Variants in DLG2 observed in about 807,000 individuals in gnomAD.
DLG2 encodes the protein disks large homolog 2.
DLG2 carries 45 observed loss-of-function variants against 132.5 expected under a neutral mutation model. The ratio of observed to expected loss-of-function variants is 0.34; its 90% CI spans 0.27 to 0.44. DLG2 has a LOEUF of 0.44. Ranked by LOEUF, DLG2 falls within the 20% of genes least tolerant of loss-of-function variation. DLG2 has a pLI of 1.00. For missense variants in DLG2, 1,045 were observed against 1,196.9 expected, an observed-to-expected ratio of 0.87 and a Z score of 1.87; for synonymous variants, 424 against 419.6, an observed-to-expected ratio of 1.01 and a Z score of -0.13.
chr11:83,678,059 C>G (rs1022210329), intron 18 of DLG2, among the ~76,000 whole-genome samples: 3 of 152,176 alleles, frequency 2.0e-5, no homozygotes, highest in African/African-American at 2.4e-5. Flanking sequence ...TCTCTCCAAG[C>G]AACTGTTTTC....
chr11:84,480,647 CTCT>C (rs1313190201), intron 7 of DLG2, among the ~76,000 whole-genome samples: 5 of 151,896 alleles, frequency 3.3e-5, no homozygotes, highest in Non-Finnish European at 7.4e-5. Context: ...CAAAATCCAG[CTCT>C]TCTTCTTACT....
intron 22 of DLG2, among the ~76,000 whole-genome samples, chr11:83,473,725 A>C (rs1344362751): frequency 6.6e-6 from 1 of 152,066 alleles, no homozygotes; most frequent in Non-Finnish European, 1.5e-5. Context: ...TCTGAAACCA[A>C]AGGGCAATTC....
intron 7 of DLG2, among the ~76,000 whole-genome samples, chr11:84,526,589 C>T (rs924345649): frequency 6.6e-6 from 1 of 152,012 alleles, no homozygotes; most frequent in Non-Finnish European, 1.5e-5. Flanking sequence ...AGAGAGAGAG[C>T]ACATTCACAT....
At chr11:83,608,491 A>G (rs1250411323) in intron 19 of DLG2, among the ~76,000 whole-genome samples, 1 of 152,094 alleles carries the variant, frequency 6.6e-6, no homozygotes, top group Non-Finnish European at 1.5e-5. Flanking sequence ...TTGGATTTTC[A>G]GATTTGGGAT....
chr11:85,319,318 G>C (rs1249254417), intron 3 of DLG2, among the ~76,000 whole-genome samples: 4 of 151,728 alleles, frequency 2.6e-5, no homozygotes, highest in Admixed American at 6.6e-5. Context: ...TCATCTAAAA[G>C]TGTAAATATT....
chr11:84,610,751 A>C (rs973184057), intron 6 of DLG2, among the ~76,000 whole-genome samples: 13 of 151,926 alleles, frequency 8.6e-5, no homozygotes, highest in Non-Finnish European at 1.5e-4. Flanking sequence ...AGGTGACCCA[A>C]CCCAAGGGTA....
At position 84,714,593 on chromosome 11, in the gene DLG2, C is replaced by T. The variant is rs200673637; in HGVS notation, c.358-179862G>A. ...TCTTTCTCTTTCTCTTTCTCTTTCT[C>T]TTTCTTTCTCTTTCTCTTTCTCTTT... On this transcript the variant is annotated intron_variant, in intron 6 of 27. Coordinates refer to ENST00000376104, the MANE Select transcript of DLG2 (RefSeq NM_001142699.3). 3.5e-4 allele frequency among the ~76,000 whole-genome samples: 38 copies of T among 110,054 alleles called. No homozygotes were observed. The East Asian group carries it at 3.6e-3, about 11-fold the overall frequency. 72.2% of individuals were successfully genotyped at this position (110,054 alleles called of 152,430 possible).
At chr11:84,832,212 CA>C (rs1223523615) in intron 6 of DLG2, among the ~76,000 whole-genome samples, 5 of 151,520 alleles carry the variant, frequency 3.3e-5, no homozygotes, top group Non-Finnish European at 5.9e-5. Context: ...AGGAAGAAAT[CA>C]AATGAAATAA....
chr11:84,345,311 T>C (rs1005529840), intron 7 of DLG2, among the ~76,000 whole-genome samples: 3 of 152,184 alleles, frequency 2.0e-5, no homozygotes, highest in South Asian at 2.1e-4. Context: ...AATGTGAAAG[T>C]AACATTTTGG....
At chr11:83,892,406 C>T (rs1352898897) in intron 15 of DLG2, among the ~76,000 whole-genome samples, 2 of 152,096 alleles carry the variant, frequency 1.3e-5, no homozygotes, top group African/African-American at 4.8e-5. Flanking sequence ...ATTTAGTATT[C>T]ATAGCCATTA....
chr11:83,578,366 A>C (rs2096916821), intron 19 of DLG2, among the ~76,000 whole-genome samples: 1 of 152,028 alleles, frequency 6.6e-6, no homozygotes, highest in South Asian at 2.1e-4. Context: ...AAAAAAGAGA[A>C]TAGAGAACAG....
intron 6 of DLG2, among the ~76,000 whole-genome samples, chr11:84,715,296 G>C (rs1305333528): frequency 2.0e-5 from 3 of 152,056 alleles, no homozygotes; most frequent in African/African-American, 7.2e-5. Flanking sequence ...ACAACATAAT[G>C]TTTTGATATA....
intron 3 of DLG2, among the ~76,000 whole-genome samples, chr11:85,571,402 T>C (rs1163440535): frequency 6.6e-6 from 1 of 152,148 alleles, no homozygotes; most frequent in Non-Finnish European, 1.5e-5. Flanking sequence ...AGCTGATGAT[T>C]AGACAGAGAT....
chr11:85,472,824 A>T (rs1172666248), intron 3 of DLG2, among the ~76,000 whole-genome samples: 1 of 152,218 alleles, frequency 6.6e-6, no homozygotes, highest in African/African-American at 2.4e-5. Flanking sequence ...ACAGCCCAGA[A>T]TCGGGCGAAG....
intron 12 of DLG2, among the ~76,000 whole-genome samples, chr11:83,976,997 G>T: frequency 6.6e-6 from 1 of 151,868 alleles, no homozygotes; most frequent in East Asian, 1.9e-4. Flanking sequence ...AGTCATGGAA[G>T]GCAGTGTATA....
intron 7 of DLG2, among the ~76,000 whole-genome samples, chr11:84,516,303 A>C (rs1157059448): frequency 6.6e-6 from 1 of 151,434 alleles, no homozygotes; most frequent in African/African-American, 2.4e-5. Context: ...TTTTTGAAAA[A>C]AATATATAAA....
chr11:84,206,132 T>C (rs1386631702), intron 8 of DLG2, among the ~76,000 whole-genome samples: 2 of 152,078 alleles, frequency 1.3e-5, no homozygotes. Flanking sequence ...GCATAGAAAC[T>C]CTTTTCAATG....
chr11:85,575,355 G>A (rs1047837061), intron 3 of DLG2, among the ~76,000 whole-genome samples: 1 of 151,708 alleles, frequency 6.6e-6, no homozygotes, highest in African/African-American at 2.4e-5. Flanking sequence ...GGGCAACATA[G>A]GGAGACCCCA....
rs567212414 is a variant in DLG2 at position 84,540,841 on chromosome 11, C to T, written c.358-6110G>A. ...ATTAAGAAAATGTGGCACATATACA[C>T]CATGGAATACTATGCAGCCATAAAA... On this transcript the variant is annotated intron_variant, in intron 6 of 27. Transcript: ENST00000376104. Among the ~76,000 whole-genome samples the T allele has an allele frequency of 3.3e-5, 5 of 152,246 alleles. No homozygotes were observed. The South Asian group carries it at 1.0e-3, about 32-fold the overall frequency.
Sources: allele counts gnomAD v4.1 joint callset (sites outside exome capture counted in the v4.1 genomes callset), GRCh38; gene constraint gnomAD v4.1.1; transcripts MANE v1.5; gene names NCBI Gene and HGNC (gene_info 2026-07-23, HGNC 2026-07-21).